TFCP2L1: variants seen among roughly 807,000 people sequenced by gnomAD.
TFCP2L1 encodes the protein transcription factor CP2 like 1.
A neutral mutation model predicts 72.2 loss-of-function variants in TFCP2L1; 12 were observed. The observed-to-expected ratio is 0.17, with a 90% CI of 0.11 to 0.27. The LOEUF is 0.27. Ranked by LOEUF, TFCP2L1 falls within the 10% of genes least tolerant of loss-of-function variation. The pLI, the probability that TFCP2L1 is intolerant of heterozygous loss-of-function variation, is 1.00. For missense variants in TFCP2L1, 488 were observed against 624.6 expected, an observed-to-expected ratio of 0.78 and a Z score of 2.33; for synonymous variants, 260 against 251.0, an observed-to-expected ratio of 1.04 and a Z score of -0.34.
chr2:121,237,868 C>G lies in TFCP2L1; in HGVS notation c.861-18G>C. On this transcript the variant is annotated intron_variant, in intron 8 of 14. Coordinates refer to ENST00000263707, the MANE Select transcript of TFCP2L1 (RefSeq NM_014553.3). ...AGGCGTTGCTGCAAGGAAAAGGAAC[C>G]AGTGATGAGGACAGAGGGGGCTCCC... is the stretch of plus-strand genomic sequence containing the variant. The G allele has an allele frequency of 1.2e-6, 2 of 1,613,764 alleles. No individual in the cohort carries two copies. The highest frequency in any genetic ancestry group is 1.7e-6 in the Non-Finnish European group (2 of 1,179,796).
intron 13 of TFCP2L1, among the ~76,000 whole-genome samples, chr2:121,228,066 TC>T (rs1686066975): frequency 2.0e-5 from 3 of 152,354 alleles, no homozygotes; most frequent in Middle Eastern, 3.4e-3. Flanking sequence ...CCAGGCTGCC[TC>T]CAGCACTCTG....
intron 2 of TFCP2L1, among the ~76,000 whole-genome samples, chr2:121,251,858 C>T (rs1214878710): frequency 1.3e-5 from 2 of 152,170 alleles, no homozygotes; most frequent in East Asian, 1.9e-4. Context: ...GAATGACTAT[C>T]AGATACTCAA....
At chr2:121,259,236 T>C (rs1339590246) in intron 2 of TFCP2L1, among the ~76,000 whole-genome samples, 2 of 151,802 alleles carry the variant, frequency 1.3e-5, no homozygotes, top group South Asian at 4.2e-4. Context: ...TGAGCTGAGA[T>C]TGCATCACTG....
intron 7 of TFCP2L1, chr2:121,240,001 C>G: frequency 1.0e-6 from 1 of 977,786 alleles, no homozygotes. Flanking sequence ...AACAGCTTTT[C>G]CTGGGAGAGA....
At chr2:121,251,914 G>A (rs1376579503) in intron 2 of TFCP2L1, among the ~76,000 whole-genome samples, 2 of 152,148 alleles carry the variant, frequency 1.3e-5, no homozygotes, top group Non-Finnish European at 2.9e-5. Flanking sequence ...AGGACATCTG[G>A]CTATATAAAA....
At chr2:121,254,489 GA>G (rs1355606411) in intron 2 of TFCP2L1, among the ~76,000 whole-genome samples, 1 of 152,238 alleles carries the variant, frequency 6.6e-6, no homozygotes, top group East Asian at 1.9e-4. Flanking sequence ...GAATGATAAA[GA>G]AATCCCAAAG....
chr2:121,224,422 A>G (rs1461763197), intron 14 of TFCP2L1, 35 bp from the exon 15 acceptor site: 1 of 1,605,474 alleles, frequency 6.2e-7, no homozygotes, highest in Non-Finnish European at 8.5e-7. Flanking sequence ...ATTTCACAGG[A>G]AAAAAGGTGC....
At chr2:121,284,218 T>C (rs1252722250) in intron 1 of TFCP2L1, among the ~76,000 whole-genome samples, 2 of 152,198 alleles carry the variant, frequency 1.3e-5, no homozygotes, top group Admixed American at 1.3e-4. Context: ...TTGGGTTAAA[T>C]TAGGCACATT....
At chr2:121,245,155 A>G (rs1686455627) in intron 6 of TFCP2L1, among the ~76,000 whole-genome samples, 1 of 152,102 alleles carries the variant, frequency 6.6e-6, no homozygotes, top group South Asian at 2.1e-4. Context: ...TTACAAAAGG[A>G]AGAGGGAGGT....
chr2:121,262,554 G>A (rs780048691), intron 2 of TFCP2L1, among the ~76,000 whole-genome samples: 36 of 152,192 alleles, frequency 2.4e-4, no homozygotes, highest in Non-Finnish European at 3.8e-4. Context: ...GTCACAGATC[G>A]ATGAAGACTC....
intron 14 of TFCP2L1, among the ~76,000 whole-genome samples, chr2:121,224,823 A>C (rs1465552402): frequency 6.6e-6 from 1 of 152,212 alleles, no homozygotes; most frequent in Non-Finnish European, 1.5e-5. Context: ...TCTACTAAAA[A>C]AATACAAAAA....
chr2:121,285,029 G>A lies in TFCP2L1; in HGVS notation c.62+19C>T, dbSNP rs753447896. ...GCCGGCCCGGCCCGAGACCCGCGGG[G>A]ACCGCGCGCGGCCCTTACCGCAGGT... On this transcript the variant is annotated intron_variant, in intron 1 of 14. Transcript: ENST00000263707. 1 of 1,479,986 alleles carries A rather than the reference G, an allele frequency of 6.8e-7. No individual in the cohort carries two copies. The highest frequency in any genetic ancestry group is 1.3e-5 in the South Asian group (1 of 77,168). The allele number at this position is 1,479,986 out of a possible 1,614,324, so 91.7% of individuals were successfully genotyped here. A position where few individuals can be genotyped will look rare whatever the true frequency, so the allele number is the denominator to read the frequency against.
intron 5 of TFCP2L1, 120 bp from the exon 6 acceptor site, chr2:121,247,090 G>A (rs1686504154): frequency 9.1e-6 from 11 of 1,202,564 alleles, no homozygotes; most frequent in South Asian, 3.0e-5. Context: ...GGCCTGCCTC[G>A]ACCTCCCTGC....
intron 2 of TFCP2L1, among the ~76,000 whole-genome samples, chr2:121,268,300 A>G (rs545079259): frequency 1.3e-5 from 2 of 152,304 alleles, no homozygotes; most frequent in African/African-American, 2.4e-5. Flanking sequence ...CTGATTAAAC[A>G]TTTTTATAAA....
At chr2:121,254,015 C>T (rs1360125607) in intron 2 of TFCP2L1, among the ~76,000 whole-genome samples, 1 of 152,194 alleles carries the variant, frequency 6.6e-6, no homozygotes, top group Non-Finnish European at 1.5e-5. Flanking sequence ...CGAGGTCACA[C>T]AGGCTGAACT....
Position 121,222,096 on chromosome 2 carries a change from C to T in TFCP2L1, c.*2245G>A, listed in dbSNP as rs1217420810. The T allele has an allele frequency of 6.6e-6, 1 of 152,162 alleles. No individual in the cohort carries two copies. Among genetic ancestry groups the T allele is most frequent in the South Asian group, 2.1e-4 (1 of 4,828 alleles). 9.4% of individuals were successfully genotyped at this position (152,162 alleles called of 1,614,324 possible). Reference sequence around the variant, plus strand: ...ATCAGGGGAATGCAAATCAAAACCACAAGATAGCATTTCATACTCATTAGG... The same window carrying T: ...ATCAGGGGAATGCAAATCAAAACCATAAGATAGCATTTCATACTCATTAGG... On this transcript the variant is annotated 3_prime_UTR_variant, in exon 15 of 15. Coordinates refer to ENST00000263707, the MANE Select transcript of TFCP2L1 (RefSeq NM_014553.3).
Position 121,228,622 on chromosome 2 carries a change from C to A in TFCP2L1, c.1342-3009G>T, listed in dbSNP as rs149391118. Reference sequence around the variant, plus strand: ...AAAAAATTAAAAAAAAAAAATTAGCCAGGCATGGTGGAACATGCCTGTGGT... The same window carrying A: ...AAAAAATTAAAAAAAAAAAATTAGCAAGGCATGGTGGAACATGCCTGTGGT... On this transcript the variant is annotated intron_variant, in intron 13 of 14. Transcript: ENST00000263707. Among the ~76,000 whole-genome samples, 556 of 151,430 alleles carry A rather than the reference C, an allele frequency of 3.7e-3. 4 individuals carry two copies. Among genetic ancestry groups the A allele is most frequent in the African/African-American group, 0.013 (541 of 41,264 alleles).
intron 2 of TFCP2L1, among the ~76,000 whole-genome samples, chr2:121,268,611 G>A (rs996900809): frequency 2.6e-5 from 4 of 151,924 alleles, no homozygotes; most frequent in Non-Finnish European, 5.9e-5. Flanking sequence ...AGGCTATACT[G>A]AGGTAAGTGT....
intron 2 of TFCP2L1, among the ~76,000 whole-genome samples, chr2:121,275,265 TCGCGGCGCCTGTAG>T (rs1687123123): frequency 2.7e-4 from 2 of 7,418 alleles, no homozygotes; most frequent in African/African-American, 1.6e-3. Flanking sequence ...GCGCCTGTAG[TCGCGGCGCCTGTAG>T]TCCCAGCTAC....
Sources: gnomAD v4.1 joint callset for allele counts (sites outside exome capture counted in the v4.1 genomes callset) on GRCh38, gnomAD v4.1.1 for gene constraint, MANE v1.5 for transcripts, NCBI Gene and HGNC (gene_info 2026-07-23, HGNC 2026-07-21) for gene names.